The following USH2A variants were observed in gnomAD, a reference collection of about 807,000 sequenced individuals.
The protein encoded by USH2A is usherin.
USH2A carries 443 observed loss-of-function variants against 538.9 expected under a neutral mutation model. The observed-to-expected ratio is 0.82, with a 90% confidence interval of 0.76 to 0.89. The LOEUF (loss-of-function observed/expected upper bound fraction) is 0.89. USH2A is among the 40% of genes least tolerant of loss of function. The pLI is 0.00. For missense variants in USH2A, 6,633 were observed against 6,324.8 expected (o/e 1.05, Z -1.65); for synonymous variants, 2,413 against 2,273.5 (o/e 1.06, Z -1.75).
intron 4 of USH2A, among the ~76,000 whole-genome samples, chr1:216,361,994 T>C (rs1000729009): frequency 6.6e-6 from 1 of 152,190 alleles, no homozygotes; most frequent in South Asian, 2.1e-4. Context: ...TGGATGTTCA[T>C]TAGGGGACTC....
Position 216,196,471 on chromosome 1 carries a change from C to G in USH2A, c.4251+82G>C. 4 of 1,498,860 alleles carry G rather than the reference C, an allele frequency of 2.7e-6. No homozygotes were observed. The South Asian group carries it at 3.4e-5, about 13-fold the overall frequency. The allele number at this position is 1,498,860 out of a possible 1,614,324, so 92.8% of individuals were successfully genotyped here. ...AATCAATATAGAGGGAGAATTCTGT[C>G]ACAGAATTCTGCAAACTCAAAAAAT... On this transcript the variant is annotated intron_variant, in intron 19 of 71. Transcript: ENST00000307340.
At chr1:216,204,426 T>G (rs530005490) in intron 16 of USH2A, 1 of 100,940 alleles carries the variant, frequency 9.9e-6, no homozygotes, top group East Asian at 4.6e-4. Context: ...TTGCATGCTA[T>G]TATAATAACA....
At chr1:216,228,642 T>C (rs756877110) in intron 14 of USH2A, among the ~76,000 whole-genome samples, 1 of 152,146 alleles carries the variant, frequency 6.6e-6, no homozygotes, top group Non-Finnish European at 1.5e-5. Context: ...AATTGTGAGG[T>C]CTCCCAAGCC....
intron 21 of USH2A, chr1:216,174,738 G>T: frequency 1.0e-6 from 1 of 995,740 alleles, no homozygotes; most frequent in African/African-American, 1.7e-5. Context: ...ATATTAAGTT[G>T]TCACAGTGAA....
intron 35 of USH2A, among the ~76,000 whole-genome samples, chr1:215,990,847 C>T (rs182090419): frequency 2.7e-5 from 4 of 147,552 alleles, no homozygotes; most frequent in Admixed American, 6.7e-5. Context: ...CCGCAAGCTC[C>T]GCCTCCCAGG....
At chr1:216,138,416 T>C (rs532856862) in intron 21 of USH2A, among the ~76,000 whole-genome samples, 1 of 152,336 alleles carries the variant, frequency 6.6e-6, no homozygotes, top group African/African-American at 2.4e-5. Context: ...TGTACTGTTA[T>C]GTAGTCCGTG....
At chr1:216,039,810 C>T (rs2030184396) in intron 32 of USH2A, among the ~76,000 whole-genome samples, 1 of 151,772 alleles carries the variant, frequency 6.6e-6, no homozygotes, top group South Asian at 2.1e-4. Flanking sequence ...ATAAATTTCC[C>T]ATCGTAAGAC....
At chr1:216,032,785 A>G (rs1219322447) in intron 32 of USH2A, among the ~76,000 whole-genome samples, 1 of 152,114 alleles carries the variant, frequency 6.6e-6, no homozygotes, top group African/African-American at 2.4e-5. Context: ...ATAGCAGCTC[A>G]TGACTGACAG....
chr1:215,714,386 C>G (rs1165145334), intron 61 of USH2A, among the ~76,000 whole-genome samples: 1 of 152,076 alleles, frequency 6.6e-6, no homozygotes, highest in Non-Finnish European at 1.5e-5. Context: ...AGTGTGGGAG[C>G]CAACCATGGG....
intron 37 of USH2A, 123 bp downstream of exon 37, chr1:215,965,194 T>G: frequency 2.6e-6 from 3 of 1,145,802 alleles, no homozygotes. Flanking sequence ...TAGGTTATTT[T>G]CAGGAAAATA....
chr1:216,055,910 T>A (rs905756042), intron 30 of USH2A, among the ~76,000 whole-genome samples: 1 of 152,246 alleles, frequency 6.6e-6, no homozygotes, highest in African/African-American at 2.4e-5. Context: ...TTGACCTTGT[T>A]TAAAACTTTT....
At chr1:215,702,620 T>C (rs1435055115) in intron 61 of USH2A, among the ~76,000 whole-genome samples, 1 of 151,850 alleles carries the variant, frequency 6.6e-6, no homozygotes, top group Admixed American at 6.6e-5. Context: ...TATTGATACT[T>C]GTGTATGCTT....
At chr1:215,723,891 A>G (rs1286014480) in intron 61 of USH2A, among the ~76,000 whole-genome samples, 1 of 152,164 alleles carries the variant, frequency 6.6e-6, no homozygotes, top group Non-Finnish European at 1.5e-5. Flanking sequence ...TCAAAGAACT[A>G]AAAGTAGAAT....
intron 21 of USH2A, among the ~76,000 whole-genome samples, chr1:216,115,504 A>C (rs767674632): frequency 6.6e-6 from 1 of 152,218 alleles, no homozygotes; most frequent in African/African-American, 2.4e-5. Flanking sequence ...AAATATATGA[A>C]AGTACATTAT....
In USH2A at chr1:216,246,781, T is replaced by C. The variant is rs1482412026; in HGVS notation, c.2613A>G (p.Lys871=). ...TACAGCGAAGACCTGTTACCCCTAA[T>C]TTGCAAGGACATTGTCCTGTTGATT... ...CNKSTGQCPC[K]LGVTGLRCNQ... The change falls in exon 13 of 72, where the codon AAA becomes AAG. Residue 871 remains lysine, a synonymous_variant. Transcript: ENST00000307340. The C allele has an allele frequency of 2.5e-6, 4 of 1,614,134 alleles. No homozygotes were observed. In the Admixed American group the frequency reaches 6.7e-5, roughly 27 times the overall value.
Position 216,177,787 on chromosome 1 carries a change from A to AT in USH2A, c.4397-2306dup, listed in dbSNP as rs952385852. On this transcript the variant is annotated intron_variant, in intron 20 of 71. Coordinates refer to ENST00000307340, the MANE Select transcript of USH2A (RefSeq NM_206933.4). ...GAAAATGAAGGTTTGTTTTGGTTTG[A>AT]TTTTTTTTTCCCTTAAACAGTTGAG... 1.9e-3 allele frequency among the ~76,000 whole-genome samples: 283 copies of AT among 151,376 alleles called. 2 individuals carry two copies. The highest frequency in any genetic ancestry group is 6.0e-3 in the African/African-American group (246 of 41,254).
At chr1:215,721,869 G>C (rs1039540938) in intron 61 of USH2A, among the ~76,000 whole-genome samples, 6 of 152,082 alleles carry the variant, frequency 3.9e-5, no homozygotes, top group African/African-American at 1.4e-4. Flanking sequence ...TTTGAGACCA[G>C]CTGGGGCAAT....
At chr1:216,044,986 C>T (rs1300075694) in intron 32 of USH2A, among the ~76,000 whole-genome samples, 1 of 152,104 alleles carries the variant, frequency 6.6e-6, no homozygotes, top group African/African-American at 2.4e-5. Context: ...TGGATGAATA[C>T]ACAGCCCTGT....
chr1:216,284,374 CT>C (rs1558363663), intron 11 of USH2A, among the ~76,000 whole-genome samples: 1 of 152,094 alleles, frequency 6.6e-6, no homozygotes, highest in African/African-American at 2.4e-5. Context: ...TTATAAGGAA[CT>C]TTCCCCCACC....
Sources: allele counts gnomAD v4.1 joint callset (sites outside exome capture counted in the v4.1 genomes callset), GRCh38; gene constraint gnomAD v4.1.1; transcripts MANE v1.5; gene names NCBI Gene and HGNC (gene_info 2026-07-23, HGNC 2026-07-21).